Variants in PAXIP1 observed in about 807,000 individuals in gnomAD.
PAXIP1 encodes the protein PAX interacting protein 1.
Under a neutral mutation model 140.6 loss-of-function variants are expected in PAXIP1, and 19 were observed. That is an observed-to-expected ratio of 0.14 (90% CI 0.09 to 0.20). PAXIP1 has a LOEUF of 0.20. Among genes scored for constraint, PAXIP1 ranks in the 10% least tolerant of loss-of-function variants. The pLI is 1.00. For synonymous variants in PAXIP1, 442 were observed against 444.6 expected (o/e 0.99, Z 0.07); for missense variants, 920 against 1,208.6 (o/e 0.76, Z 3.54).
intron 8 of PAXIP1, among the ~76,000 whole-genome samples, chr7:154,966,877 G>A (rs1282979506): frequency 6.6e-6 from 1 of 152,134 alleles, no homozygotes; most frequent in African/African-American, 2.4e-5. Context: ...CCCCTGCCTC[G>A]TGGATCCCAC....
chr7:154,994,356 C>A (rs868629622), intron 2 of PAXIP1, among the ~76,000 whole-genome samples: 3 of 152,072 alleles, frequency 2.0e-5, no homozygotes, highest in Non-Finnish European at 2.9e-5. Flanking sequence ...ACAAATCATT[C>A]TCCTGATAGC....
intron 3 of PAXIP1, among the ~76,000 whole-genome samples, chr7:154,991,786 C>CT (rs965128171): frequency 6.6e-6 from 1 of 152,144 alleles, no homozygotes; most frequent in Non-Finnish European, 1.5e-5. Flanking sequence ...CAAACAATGA[C>CT]TTTTTTTGAA....
intron 2 of PAXIP1, among the ~76,000 whole-genome samples, chr7:154,998,213 A>G (rs1301983074): frequency 1.3e-5 from 2 of 152,192 alleles, no homozygotes; most frequent in African/African-American, 4.8e-5. Flanking sequence ...TTTCCACACA[A>G]AACAGGACTT....
chr7:154,975,550 ACACAC>A, intron 6 of PAXIP1, 141 bp downstream of exon 6: 1 of 611,364 alleles, frequency 1.6e-6, no homozygotes, highest in Non-Finnish European at 2.9e-6. Context: ...ACACACACAC[ACACAC>A]AAGTAAACAG....
chr7:154,975,623 C>G, intron 6 of PAXIP1, 73 bp downstream of exon 6: 1 of 1,072,136 alleles, frequency 9.3e-7, no homozygotes. Context: ...AACCAATAAA[C>G]TACATTGAAA....
Position 154,944,365 on chromosome 7 carries a change from C to T in PAXIP1, c.3195-201G>A, listed in dbSNP as rs1457383417. The T allele has an allele frequency of 4.0e-5, 20 of 499,910 alleles. No homozygotes were observed. The Admixed American group carries it at 6.8e-4, about 17-fold the overall frequency. 31.0% of individuals were successfully genotyped at this position (499,910 alleles called of 1,614,324 possible). A position where few individuals can be genotyped will look rare whatever the true frequency, so the allele number is the denominator to read the frequency against. On this transcript the variant is annotated intron_variant, in intron 20 of 20. Coordinates refer to ENST00000404141, the MANE Select transcript of PAXIP1 (RefSeq NM_007349.4). ...GCCCCGACACACAGGCTCACTCAGCCCGGGGACATCAGCACCTGTGCCAGC... is the reference window on the plus strand; with the variant it reads ...GCCCCGACACACAGGCTCACTCAGCTCGGGGACATCAGCACCTGTGCCAGC...
chr7:154,947,756 C>T, intron 17 of PAXIP1, 147 bp downstream of exon 17: 1 of 674,686 alleles, frequency 1.5e-6, no homozygotes, highest in African/African-American at 1.8e-5. Context: ...TGGCAATGTC[C>T]AAGAAGGAAG....
At chr7:154,971,132 C>A (rs1809298122) in intron 6 of PAXIP1, among the ~76,000 whole-genome samples, 1 of 152,206 alleles carries the variant, frequency 6.6e-6, no homozygotes, top group South Asian at 2.1e-4. Flanking sequence ...TCAGCAGGGT[C>A]TGCTGCCTGC....
intron 4 of PAXIP1, among the ~76,000 whole-genome samples, chr7:154,987,446 A>T (rs1341061118): frequency 6.6e-6 from 1 of 152,028 alleles, no homozygotes; most frequent in African/African-American, 2.4e-5. Context: ...TCTGTTTTCA[A>T]GCTCCTTCTT....
In PAXIP1 at chr7:154,960,978, C is replaced by T; in HGVS notation, c.2349G>A (p.Leu783=). ...TGTAGCGACTATACTGAATCTGCCT[C>T]AGTGCCTCAAAGTTTCCCAGAAGAA... ...GDILLGNFEA[L]RQIQYSRYTA... Residue 783 remains leucine (L), a synonymous_variant, in exon 12 of 21, where the codon CTG becomes CTA. Transcript: ENST00000404141. 1 of 1,603,852 alleles carries T rather than the reference C, an allele frequency of 6.2e-7. No individual in the cohort carries two copies. The highest frequency in any genetic ancestry group is 8.5e-7 in the Non-Finnish European group (1 of 1,174,778).
chr7:154,968,926 C>A lies in PAXIP1; in HGVS notation c.1275G>T (p.Met425Ile). Residue 425 changes from methionine to isoleucine, a missense_variant, in exon 7 of 21, where the codon ATG becomes ATT. Met to Ile is a conservative substitution (Grantham distance 10). Around this residue, in one of 5 missense-constraint regions of PAXIP1, gnomAD observed 133 missense variants for 88.4 expected, o/e 1.50. Transcript: ENST00000404141. The stretch of plus-strand genomic sequence containing the variant: ...GCTGCTGCTGCTGCTGCTGGAGCTG[C>A]ATTATCTGCTGGGGCTGAAGGTGTA... ...PVLHLQPQQI[M>I]QLQQQQQQQI... is the part of the protein sequence containing the mutation. 1 of 1,391,056 alleles carries A rather than the reference C, an allele frequency of 7.2e-7. No homozygotes were observed. Among genetic ancestry groups the A allele is most frequent in the Non-Finnish European group, 1.0e-6 (1 of 1,003,070 alleles). 86.2% of individuals were successfully genotyped at this position (1,391,056 alleles called of 1,614,324 possible).
intron 1 of PAXIP1, among the ~76,000 whole-genome samples, chr7:155,002,575 G>A (rs1810963816): frequency 6.6e-6 from 1 of 151,686 alleles, no homozygotes; most frequent in East Asian, 1.9e-4. Context: ...CGGGGGCGGC[G>A]ACCCCAGGGC....
chr7:154,949,684 G>C (rs1051196483), intron 16 of PAXIP1: 3 of 152,154 alleles, frequency 2.0e-5, no homozygotes, highest in African/African-American at 7.2e-5. Context: ...CGGATCTCTT[G>C]AGGTCAGGAG....
chr7:154,950,233 TA>T (rs1808213438), intron 16 of PAXIP1: 1 of 152,022 alleles, frequency 6.6e-6, no homozygotes, highest in South Asian at 2.1e-4. Flanking sequence ...CCATATGCAA[TA>T]AAAGGAAGCT....
chr7:154,958,228 G>C (rs1808615484), intron 13 of PAXIP1, among the ~76,000 whole-genome samples: 1 of 152,162 alleles, frequency 6.6e-6, no homozygotes, highest in African/African-American at 2.4e-5. Flanking sequence ...CACAAAGAGA[G>C]CAGGAAGGAG....
At chr7:154,969,238 T>C (rs1809183650) in intron 6 of PAXIP1, 112 bp from the exon 7 acceptor site, 1 of 1,131,814 alleles carries the variant, frequency 8.8e-7, no homozygotes, top group Admixed American at 3.4e-5. Context: ...TTCAACTAAG[T>C]AGACACAGCA....
At chr7:154,957,192 A>T in intron 14 of PAXIP1, 32 bp downstream of exon 14, 1 of 1,266,916 alleles carries the variant, frequency 7.9e-7, no homozygotes, top group Non-Finnish European at 1.1e-6. Context: ...TGTGAAAGCC[A>T]GCAATGAAAA....
intron 2 of PAXIP1, among the ~76,000 whole-genome samples, chr7:154,994,371 C>T (rs1377872387): frequency 1.3e-5 from 2 of 152,070 alleles, no homozygotes; most frequent in Non-Finnish European, 2.9e-5. Context: ...GATAGCTCTA[C>T]TTCAGAAAAT....
upstream of PAXIP1, among the ~76,000 whole-genome samples, chr7:155,003,258 G>C (rs1029415018): frequency 1.4e-5 from 2 of 144,718 alleles, no homozygotes; most frequent in East Asian, 4.1e-4. Context: ...AGCTGGCGCC[G>C]GCAGCCCGCT....
Sources: allele counts gnomAD v4.1 joint callset (sites outside exome capture counted in the v4.1 genomes callset), GRCh38; gene constraint gnomAD v4.1.1; regional missense constraint gnomAD v4.1.1; transcripts MANE v1.5; gene names NCBI Gene and HGNC (gene_info 2026-07-23, HGNC 2026-07-21).